Variants in TYW1B observed in about 807,000 individuals in gnomAD.
TYW1B encodes S-adenosyl-L-methionine-dependent tRNA 4-demethylwyosine synthase TYW1B.
Under a neutral mutation model 86.9 loss-of-function variants are expected in TYW1B, and 73 were observed. That is an observed-to-expected ratio of 0.84 (90% CI 0.70 to 1.02). The LOEUF (loss-of-function observed/expected upper bound fraction) is 1.02. Among genes scored for constraint, TYW1B ranks in the 50% least tolerant of loss-of-function variants. The probability of loss-of-function intolerance (pLI) is 0.00; values close to 1 mark genes in which losing one functional copy is unlikely to be tolerated. For missense variants in TYW1B, 637 were observed against 827.4 expected, an observed-to-expected ratio of 0.77 and a Z score of 2.82; for synonymous variants, 248 against 292.8, an observed-to-expected ratio of 0.85 and a Z score of 1.56.
Position 72,748,487 on chromosome 7 carries a change from T to C in TYW1B, c.965-3886A>G, listed in dbSNP as rs541639249. ...TTCCAGTGGCTAGAATTTACAATAC[T>C]ATGTAAAACAGGAGTGGTGAACGCA... On this transcript the variant is annotated intron_variant, in intron 7 of 13. Transcript: ENST00000620995. Among the ~76,000 whole-genome samples the C allele has an allele frequency of 2.7e-5, 4 of 147,896 alleles. No individual in the cohort carries two copies. The East Asian group carries it at 7.8e-4, about 29-fold the overall frequency.
chr7:72,594,793 T>C (rs1322166417), intron 13 of TYW1B, among the ~76,000 whole-genome samples: 8 of 152,164 alleles, frequency 5.3e-5, no homozygotes, highest in African/African-American at 1.9e-4. Flanking sequence ...ATTAAAAGAA[T>C]TATATGCCCT....
rs531904723 is a variant in TYW1B, at chr7:72,645,465, G to A, written c.1507-16468C>T. Reference sequence around the variant, plus strand: ...ACAGTGAACATCAGTTAGTCCATGTGTATATCAAAAAACATGTACAGAAAG... The same window carrying A: ...ACAGTGAACATCAGTTAGTCCATGTATATATCAAAAAACATGTACAGAAAG... On this transcript the variant is annotated intron_variant, in intron 11 of 13. Transcript: ENST00000620995. 1.2e-4 allele frequency among the ~76,000 whole-genome samples: 18 copies of A among 152,192 alleles called. No individual in the cohort carries two copies. The South Asian group carries it at 3.3e-3, about 28-fold the overall frequency.
intron 11 of TYW1B, among the ~76,000 whole-genome samples, chr7:72,638,298 A>C (rs1324098471): frequency 1.3e-5 from 2 of 152,064 alleles, no homozygotes; most frequent in Non-Finnish European, 2.9e-5. Flanking sequence ...ACCATTTGCC[A>C]TTTGTATGTA....
intron 6 of TYW1B, among the ~76,000 whole-genome samples, chr7:72,781,293 C>T (rs1413890049): frequency 4.6e-5 from 7 of 152,056 alleles, no homozygotes; most frequent in African/African-American, 7.2e-5. Context: ...AAGCAAGCCT[C>T]GGCATCACCT....
chr7:72,725,124 G>C (rs1353137545), intron 9 of TYW1B, among the ~76,000 whole-genome samples: 1 of 152,082 alleles, frequency 6.6e-6, no homozygotes, highest in South Asian at 2.1e-4. Flanking sequence ...ACGTGCTCAC[G>C]GAACTCACCT....
intron 11 of TYW1B, among the ~76,000 whole-genome samples, chr7:72,692,028 A>T (rs1310230614): frequency 6.6e-6 from 1 of 151,810 alleles, no homozygotes; most frequent in African/African-American, 2.4e-5. Context: ...CAACATGGTG[A>T]AACCCCATCT....
intron 7 of TYW1B, among the ~76,000 whole-genome samples, chr7:72,762,702 C>T (rs764997551): frequency 6.6e-6 from 1 of 152,108 alleles, no homozygotes; most frequent in Admixed American, 6.6e-5. Flanking sequence ...CTCTGTCACC[C>T]AGGCTGGAGT....
At chr7:72,793,694 G>A (rs1358040965) in intron 6 of TYW1B, among the ~76,000 whole-genome samples, 8 of 150,566 alleles carry the variant, frequency 5.3e-5, no homozygotes, top group Middle Eastern at 3.4e-3. Context: ...GACGGAGGTC[G>A]TATTGAGCCA....
At chr7:72,827,267 G>A (rs1788950127) in intron 1 of TYW1B, among the ~76,000 whole-genome samples, 1 of 152,132 alleles carries the variant, frequency 6.6e-6, no homozygotes, top group Admixed American at 6.6e-5. Context: ...AATTAGCCGG[G>A]CATGGTGGCG....
intron 7 of TYW1B, among the ~76,000 whole-genome samples, chr7:72,761,745 A>C (rs1585964265): frequency 6.6e-6 from 1 of 152,138 alleles, no homozygotes; most frequent in East Asian, 1.9e-4. Flanking sequence ...AAAGTTATGG[A>C]TATGAAGATA....
At chr7:72,798,010 T>TAC (rs781878514) in intron 6 of TYW1B, among the ~76,000 whole-genome samples, 2,385 of 62,796 alleles carry the variant, frequency 0.038, 37 homozygotes, top group South Asian at 0.19. Flanking sequence ...TTTATATATA[T>TAC]ACACACACAC....
Position 72,739,099 on chromosome 7 carries a change from T to C in TYW1B, c.1082+5385A>G, listed in dbSNP as rs34160773. 3.3e-5 allele frequency among the ~76,000 whole-genome samples: 5 copies of C among 152,114 alleles called. No individual in the cohort carries two copies. The South Asian group carries it at 6.2e-4, about 19-fold the overall frequency. On this transcript the variant is annotated intron_variant, in intron 8 of 13. Coordinates refer to ENST00000620995, the MANE Select transcript of TYW1B (RefSeq NM_001145440.3). ...TAATATGGGATGATAGTATTGTGGC[T>C]ATATTATTTTTTAACAGATCTTATT...
intron 2 of TYW1B, among the ~76,000 whole-genome samples, chr7:72,818,759 C>A (rs1788773677): frequency 6.6e-6 from 1 of 151,910 alleles, no homozygotes; most frequent in Non-Finnish European, 1.5e-5. Flanking sequence ...GGAGCAGGCA[C>A]ATGACATGGC....
At chr7:72,632,375 A>G (rs1362224867) in intron 11 of TYW1B, among the ~76,000 whole-genome samples, 3 of 118,072 alleles carry the variant, frequency 2.5e-5, no homozygotes, top group Non-Finnish European at 3.2e-5. Flanking sequence ...ACGCATATAT[A>G]TTATATATAT....
At chr7:72,764,927 G>A (rs2129571764) in intron 7 of TYW1B, among the ~76,000 whole-genome samples, 1 of 152,250 alleles carries the variant, frequency 6.6e-6, no homozygotes, top group East Asian at 1.9e-4. Context: ...TGTGAACAAA[G>A]ATGGAACCAT....
intron 7 of TYW1B, among the ~76,000 whole-genome samples, chr7:72,774,566 C>CA (rs1298651836): frequency 1.5e-4 from 23 of 151,716 alleles, no homozygotes; most frequent in Middle Eastern, 6.8e-3. Context: ...ACTAAAAATA[C>CA]AAAAAATTAG....
At chr7:72,688,608 CCG>C (rs1342007649) in intron 11 of TYW1B, among the ~76,000 whole-genome samples, 9 of 152,148 alleles carry the variant, frequency 5.9e-5, no homozygotes, top group Non-Finnish European at 1.3e-4. Context: ...ACTTTTGTTC[CCG>C]CAGGCTCCCT....
chr7:72,627,537 G>A (rs1246018737), intron 12 of TYW1B, among the ~76,000 whole-genome samples: 3 of 146,154 alleles, frequency 2.1e-5, no homozygotes, highest in African/African-American at 7.3e-5. Context: ...AAAATAAAAT[G>A]TCATCTCAGA....
chr7:72,807,010 C>T (rs1248069948), intron 5 of TYW1B, 56 bp downstream of exon 5: 8 of 1,571,632 alleles, frequency 5.1e-6, no homozygotes, highest in Middle Eastern at 1.7e-4. Flanking sequence ...AGCTCAAGCT[C>T]GAGATCTCCA....
Sources: allele counts gnomAD v4.1 joint callset (sites outside exome capture counted in the v4.1 genomes callset), GRCh38; gene constraint gnomAD v4.1.1; transcripts MANE v1.5; gene names NCBI Gene and HGNC (gene_info 2026-07-23, HGNC 2026-07-21).